The following AFDN variants were observed in gnomAD, a reference collection of about 807,000 sequenced individuals.
The protein encoded by AFDN is afadin.
A neutral mutation model predicts 216.6 loss-of-function variants in AFDN; 68 were observed. The observed-to-expected ratio is 0.31, with a 90% confidence interval of 0.26 to 0.38. The LOEUF (loss-of-function observed/expected upper bound fraction) is 0.38. AFDN is among the 10% of genes least tolerant of loss of function. The pLI is 1.00. For missense variants in AFDN, 2,136 were observed against 2,342.0 expected, an observed-to-expected ratio of 0.91 and a Z score of 1.82; for synonymous variants, 868 against 853.7, an observed-to-expected ratio of 1.02 and a Z score of -0.29.
Position 167,827,182 on chromosome 6 carries a change from T to A in AFDN, c.50T>A (p.Ile17Asn). Reference sequence around the variant, plus strand: ...GAGCGGCGGAAGCTGGCCGACATCATCCACCACTGGAACGCCAACCGGCTG... The same window carrying A: ...GAGCGGCGGAAGCTGGCCGACATCAACCACCACTGGAACGCCAACCGGCTG... ...DEERRKLADIIHHWNANRLDL... is the reference protein window; with the variant it reads ...DEERRKLADINHHWNANRLDL... Residue 17 changes from isoleucine to asparagine, a missense_variant, in exon 1 of 34, where the codon ATC becomes AAC. Physicochemically the swap from Ile to Asn is moderately radical, Grantham distance 149. Around this residue, in one of 8 missense-constraint regions of AFDN, gnomAD observed 81 missense variants for 51.2 expected, o/e 1.58. Transcript: ENST00000683244. The A allele has an allele frequency of 7.7e-7, 1 of 1,304,006 alleles. No homozygotes were observed. The highest frequency in any genetic ancestry group is 1.0e-6 in the Non-Finnish European group (1 of 997,124). The allele number at this position is 1,304,006 out of a possible 1,614,324, so 80.8% of individuals were successfully genotyped here.
chr6:167,951,518 A>G lies in AFDN; in HGVS notation c.4164A>G (p.Gly1388=). 1 of 1,613,894 alleles carries G rather than the reference A, an allele frequency of 6.2e-7. No individual in the cohort carries two copies. The highest frequency in any genetic ancestry group is 8.5e-7 in the Non-Finnish European group (1 of 1,179,954). The change falls in exon 30 of 34, where the codon GGA becomes GGG. Residue 1388 remains glycine (G), a synonymous_variant. Coordinates refer to ENST00000683244, the MANE Select transcript of AFDN (RefSeq NM_001386888.1). This position sits in a 1 kb window ranked among gnomAD's most constrained non-coding sequence, Gnocchi z 7.1. ...PPVHYAGDFD[G]MSMDLPLPPP... Reference sequence around the variant, plus strand: ...TCCACTATGCCGGTGATTTCGATGGAATGTCCATGGATTTGCCTCTCCCAC... The same window carrying G: ...TCCACTATGCCGGTGATTTCGATGGGATGTCCATGGATTTGCCTCTCCCAC...
At chr6:167,830,933 C>CCT (rs1779758405) in intron 1 of AFDN, among the ~76,000 whole-genome samples, 2 of 79,320 alleles carry the variant, frequency 2.5e-5, no homozygotes, top group Admixed American at 4.1e-4. Flanking sequence ...ATATTTGAAA[C>CCT]TTTTTTTTTT....
At position 167,965,980 on chromosome 6, in the gene AFDN, C is replaced by T. The variant is rs1198801520; in HGVS notation, c.5192C>T (p.Ser1731Leu). The change falls in exon 32 of 34, where the codon TCG becomes TTG. Residue 1731 changes from serine to leucine, a missense_variant. Around this residue, in one of 8 missense-constraint regions of AFDN, gnomAD observed 981 missense variants for 966.0 expected, o/e 1.02. Transcript: ENST00000683244. ...YLKTQVLSPD[S>L]LFTAKFVAYN... ...AAAACACAGGTCCTCTCCCCCGACT[C>T]GCTGTTCACTGCCAAGTTTGTTGCA... 4 of 1,551,068 alleles carry T rather than the reference C, an allele frequency of 2.6e-6. No homozygotes were observed. The highest frequency in any genetic ancestry group is 3.5e-6 in the Non-Finnish European group (4 of 1,146,960).
chr6:167,915,517 CA>C (rs1790942613), intron 19 of AFDN, 84 bp downstream of exon 19: 2 of 1,462,434 alleles, frequency 1.4e-6, no homozygotes, highest in Admixed American at 4.5e-5. Context: ...TTCAATGCAG[CA>C]AAACCTCAAT....
At chr6:167,828,878 T>TA (rs970341031) in intron 1 of AFDN, among the ~76,000 whole-genome samples, 32 of 151,868 alleles carry the variant, frequency 2.1e-4, no homozygotes, top group Non-Finnish European at 3.7e-4. Flanking sequence ...GAGTTAGCAT[T>TA]AAAAAAATCT....
chr6:167,966,951 C>T (rs1797629124), intron 32 of AFDN, among the ~76,000 whole-genome samples: 1 of 152,228 alleles, frequency 6.6e-6, no homozygotes, highest in Non-Finnish European at 1.5e-5. Flanking sequence ...ACACCAGCAG[C>T]CAGACCTTAG....
At chr6:167,916,623 C>G (rs939470324) in intron 19 of AFDN, among the ~76,000 whole-genome samples, 2 of 152,038 alleles carry the variant, frequency 1.3e-5, no homozygotes, top group African/African-American at 4.8e-5. Context: ...CGAAATGAGT[C>G]ATCTACAGCT....
At chr6:167,930,528 CG>C (rs1276725165) in intron 23 of AFDN, among the ~76,000 whole-genome samples, 4 of 152,180 alleles carry the variant, frequency 2.6e-5, no homozygotes, top group Non-Finnish European at 5.9e-5. Context: ...AGGATGGCAG[CG>C]GGCCCTGTGC....
chr6:167,893,900 T>TA lies in AFDN; in HGVS notation c.1217dup (p.Tyr406Ter). ...NHFAYYNYHT[Y>*]EDGSDSRDKP... The stretch of plus-strand genomic sequence containing the variant: ...CTTTGCCTACTACAACTATCACACT[T>TA]ACGAAGGTAATGCTATGCTTACTAC... The change falls in exon 9 of 34, where the codon TAC (tyrosine) becomes TAAC (stop). Residue 406 changes from tyrosine (Y) to a stop codon, truncating the protein, a stop_gained and frameshift_variant. Transcript: ENST00000683244. LOFTEE classifies it high-confidence loss of function. 1.3e-6 allele frequency: 2 copies of TA among 1,585,880 alleles called. No individual in the cohort carries two copies. The highest frequency in any genetic ancestry group is 1.7e-6 in the Non-Finnish European group (2 of 1,163,982).
intron 11 of AFDN, among the ~76,000 whole-genome samples, chr6:167,901,813 C>T (rs1381549375): frequency 2.0e-5 from 3 of 151,860 alleles, no homozygotes; most frequent in Non-Finnish European, 1.5e-5. Context: ...ATGATCGGGC[C>T]GGGCGTGGTG....
chr6:167,886,975 A>G (rs562862700), intron 6 of AFDN, among the ~76,000 whole-genome samples: 1 of 146,704 alleles, frequency 6.8e-6, no homozygotes, highest in Non-Finnish European at 1.5e-5. Context: ...AGATCGCACC[A>G]CTGCACTCCA....
intron 27 of AFDN, 105 bp downstream of exon 27, chr6:167,947,006 C>A: frequency 1.0e-6 from 1 of 975,976 alleles, no homozygotes. Flanking sequence ...TCTCTGCAAA[C>A]ATTGGCTAAC....
intron 12 of AFDN, among the ~76,000 whole-genome samples, chr6:167,903,742 C>A (rs1789286502): frequency 6.6e-6 from 1 of 152,122 alleles, no homozygotes; most frequent in African/African-American, 2.4e-5. Context: ...AAAAAAAAAT[C>A]ATCTATGCTT....
At chr6:167,912,809 G>T (rs1485934098) in intron 15 of AFDN, among the ~76,000 whole-genome samples, 1 of 152,132 alleles carries the variant, frequency 6.6e-6, no homozygotes, top group African/African-American at 2.4e-5. Context: ...AGTATCCAGT[G>T]GGGGGAATCT....
intron 32 of AFDN, among the ~76,000 whole-genome samples, chr6:167,968,200 G>A (rs1797747075): frequency 6.6e-6 from 1 of 152,210 alleles, no homozygotes; most frequent in Admixed American, 6.5e-5. Context: ...TGAAAAAAAT[G>A]TCTCCATGCG....
In AFDN at chr6:167,867,804, T is replaced by C. The variant is rs374405415; in HGVS notation, c.302-2582T>C. Among the ~76,000 whole-genome samples the C allele has an allele frequency of 6.4e-4, 97 of 152,346 alleles. No individual in the cohort carries two copies. The Middle Eastern group carries it at 0.01, about 16-fold the overall frequency. On this transcript the variant is annotated intron_variant, in intron 2 of 33. Transcript: ENST00000683244. ...TCCTTGTAGCATATCCTGTATATAA[T>C]TACCTGGATAATCTTTGTCAACACT...
Position 167,915,396 on chromosome 6 carries a change from A to C in AFDN, c.2528A>C (p.Glu843Ala). The change falls in exon 19 of 34, where the codon GAA (glutamate) becomes GCA (alanine). Residue 843 changes from glutamate (E) to alanine (A), a missense_variant. By Grantham distance (107) the Glu-to-Ala change is moderately radical. Coordinates refer to ENST00000683244, the MANE Select transcript of AFDN (RefSeq NM_001386888.1). ...GCCTGGGCTGAGAAGCAGGGGCTGG[A>C]ACTGGCTGCGGACTGTCATCTGAGC... ...IEAWAEKQGLELAADCHLSRI... is the reference protein window; with the variant it reads ...IEAWAEKQGLALAADCHLSRI... 1 of 1,614,176 alleles carries C rather than the reference A, an allele frequency of 6.2e-7. No homozygotes were observed. Among genetic ancestry groups the C allele is most frequent in the Non-Finnish European group, 8.5e-7 (1 of 1,180,016 alleles).
chr6:167,935,604 G>A (rs755457441), intron 23 of AFDN, among the ~76,000 whole-genome samples: 11 of 152,146 alleles, frequency 7.2e-5, no homozygotes, highest in Non-Finnish European at 4.4e-5. Flanking sequence ...TGTTAAATGA[G>A]GAATGAGTAA....
chr6:167,885,362 TCTCA>T (rs1234441525), intron 6 of AFDN, among the ~76,000 whole-genome samples: 2 of 152,248 alleles, frequency 1.3e-5, no homozygotes, highest in Non-Finnish European at 2.9e-5. Flanking sequence ...GACATGCCTT[TCTCA>T]CTATGTTTAA....
Sources: gnomAD v4.1 joint callset for allele counts (sites outside exome capture counted in the v4.1 genomes callset) on GRCh38, gnomAD v4.1.1 for gene constraint, gnomAD v4.1.1 regional missense constraint, Gnocchi (gnomAD v3.1) non-coding constraint, MANE v1.5 for transcripts, NCBI Gene and HGNC (gene_info 2026-07-23, HGNC 2026-07-21) for gene names.